The following HHLA2 variants were observed in gnomAD, a reference collection of about 807,000 sequenced individuals.
HHLA2 encodes the protein HERV-H LTR-associating protein 2.
A neutral mutation model predicts 45.9 loss-of-function variants in HHLA2; 48 were observed. That is an observed-to-expected ratio of 1.05 (90% confidence interval 0.83 to 1.33). HHLA2 has a LOEUF of 1.33. Ranked by LOEUF, HHLA2 falls within the 40% of genes most tolerant of loss-of-function variation. The pLI is 0.00. For missense variants in HHLA2, 462 were observed against 494.3 expected (o/e 0.93, Z 0.62); for synonymous variants, 161 against 173.9 (o/e 0.93, Z 0.59).
chr3:108,313,360 A>G (rs1483846140), intron 2 of HHLA2, among the ~76,000 whole-genome samples: 3 of 152,196 alleles, frequency 2.0e-5, no homozygotes, highest in Non-Finnish European at 4.4e-5. Context: ...GATCCCAACC[A>G]TTGGGAACTA....
At chr3:108,355,289 C>A (rs780386722) in exon 6 of HHLA2, 7 of 1,613,634 alleles carry the variant, frequency 4.3e-6, no homozygotes, top group Admixed American at 3.3e-5. Context: ...ATTAACAGCC[C>A]ACTGAATATT....
At chr3:108,337,568 C>T (rs952092596) in intron 3 of HHLA2, among the ~76,000 whole-genome samples, 2 of 152,134 alleles carry the variant, frequency 1.3e-5, no homozygotes, top group African/African-American at 4.8e-5. Context: ...AACTGAGCAG[C>T]TTATATCTTG....
intron 2 of HHLA2, among the ~76,000 whole-genome samples, chr3:108,324,143 T>G (rs1296787142): frequency 2.0e-5 from 3 of 152,200 alleles, no homozygotes; most frequent in African/African-American, 7.2e-5. Flanking sequence ...CAAAGGTTAT[T>G]TTCACAGTAA....
intron 2 of HHLA2, among the ~76,000 whole-genome samples, chr3:108,324,358 C>T (rs2081253579): frequency 6.6e-6 from 1 of 152,112 alleles, no homozygotes. Flanking sequence ...ATTAACTGTA[C>T]ATTTCTGAAG....
intron 8 of HHLA2, among the ~76,000 whole-genome samples, chr3:108,374,331 A>G (rs2082234521): frequency 6.6e-6 from 1 of 152,068 alleles, no homozygotes; most frequent in Admixed American, 6.6e-5. Context: ...AATTAATTCA[A>G]GATGGATTAA....
intron 1 of HHLA2, among the ~76,000 whole-genome samples, chr3:108,299,758 C>G (rs1158764286): frequency 2.6e-5 from 4 of 152,162 alleles, no homozygotes; most frequent in Non-Finnish European, 5.9e-5. Flanking sequence ...AAATTATACT[C>G]TAACTCAACC....
chr3:108,310,593 C>T (rs2081002233), intron 1 of HHLA2, 62 bp from the exon 2 acceptor site: 1 of 152,606 alleles, frequency 6.6e-6, no homozygotes, highest in Non-Finnish European at 1.5e-5. Context: ...CCCACATCCA[C>T]ATTGGCAGTG....
At chr3:108,371,925 A>G (rs1227457821) in intron 8 of HHLA2, among the ~76,000 whole-genome samples, 2 of 152,204 alleles carry the variant, frequency 1.3e-5, no homozygotes, top group Non-Finnish European at 2.9e-5. Flanking sequence ...AATGAGACAG[A>G]AAGTTAACAA....
At position 108,368,535 on chromosome 3, in the gene HHLA2, C is replaced by CAAA. The variant is rs55718572; in HGVS notation, c.1108+6122_1108+6124dup. ...GAATATTTACCAAGCAAACGAAGAGCAAAAAAAAAAAAAAAAAAAAAAAAA... is the reference window on the plus strand; with the variant it reads ...GAATATTTACCAAGCAAACGAAGAGCAAAAAAAAAAAAAAAAAAAAAAAAAAAA... On this transcript the variant is annotated intron_variant, in intron 8 of 10. Coordinates refer to ENST00000619531, the Ensembl canonical transcript of HHLA2. Among the ~76,000 whole-genome samples the CAAA allele has an allele frequency of 6.3e-3, 42 of 6,620 alleles. 12 individuals carry two copies. The highest frequency in any genetic ancestry group is 0.045 in the East Asian group (4 of 88). 4.3% of individuals were successfully genotyped at this position (6,620 alleles called of 152,430 possible). A position where few individuals can be genotyped will look rare whatever the true frequency, so the allele number is the denominator to read the frequency against.
intron 4 of HHLA2, among the ~76,000 whole-genome samples, chr3:108,352,980 T>C (rs781717068): frequency 1.1e-4 from 17 of 152,316 alleles, no homozygotes; most frequent in Admixed American, 2.6e-4. Flanking sequence ...TCTTACCCAG[T>C]CAAGCTGAGT....
rs112444005 is a variant in HHLA2 at position 108,323,044 on chromosome 3, T to TTTTG, written c.-104-5206_-104-5203dup. On this transcript the variant is annotated intron_variant, in intron 2 of 10. Coordinates refer to ENST00000619531, the Ensembl canonical transcript of HHLA2. ...CTAGTTTCCAAATTTTTGCTGACTT[T>TTTTG]TTTGTTTGTTTGTTTGTTTGTTTTG... Among the ~76,000 whole-genome samples, 937 of 151,556 alleles carry TTTTG rather than the reference T, an allele frequency of 6.2e-3. 10 individuals are homozygous for TTTTG. Among genetic ancestry groups the TTTTG allele is most frequent in the African/African-American group, 0.021 (868 of 41,374 alleles).
chr3:108,377,273 G>A (rs1402984385), exon 11 of HHLA2: 2 of 1,574,112 alleles, frequency 1.3e-6, no homozygotes, highest in Non-Finnish European at 1.7e-6. Context: ...TTCAGGAAAA[G>A]TATAGGAAAT....
At chr3:108,346,593 G>A (rs935706637) in intron 3 of HHLA2, among the ~76,000 whole-genome samples, 4 of 152,180 alleles carry the variant, frequency 2.6e-5, no homozygotes, top group African/African-American at 9.7e-5. Flanking sequence ...AAAGAGAATT[G>A]ACCTGTTCTT....
chr3:108,325,843 A>T (rs1429227211), intron 2 of HHLA2: 3 of 366,872 alleles, frequency 8.2e-6, no homozygotes, highest in Non-Finnish European at 1.6e-5. Flanking sequence ...CTCCACGACC[A>T]CCACTCACAT....
intron 9 of HHLA2, 74 bp downstream of exon 8, chr3:108,375,874 C>T: frequency 6.4e-7 from 1 of 1,562,510 alleles, no homozygotes; most frequent in Non-Finnish European, 8.7e-7. Context: ...GGCAAAAACT[C>T]TGTCACAGTA....
At chr3:108,375,871 ACT>A in intron 9 of HHLA2, 71 bp downstream of exon 8, 1 of 1,566,534 alleles carries the variant, frequency 6.4e-7, no homozygotes, top group Non-Finnish European at 8.7e-7. Context: ...ATCGGCAAAA[ACT>A]CTGTCACAGT....
chr3:108,358,898 A>G (rs778838348), intron 7 of HHLA2, among the ~76,000 whole-genome samples: 10 of 152,196 alleles, frequency 6.6e-5, no homozygotes, highest in Non-Finnish European at 1.0e-4. Flanking sequence ...GAGGAATAAC[A>G]TTTGAAGTTT....
At chr3:108,375,847 A>G (rs1308371289) in intron 9 of HHLA2, 47 bp downstream of exon 8, 1 of 1,597,822 alleles carries the variant, frequency 6.3e-7, no homozygotes, top group Non-Finnish European at 8.5e-7. Flanking sequence ...GTTCTGGAGG[A>G]GCAGTCAAAA....
intron 8 of HHLA2, among the ~76,000 whole-genome samples, chr3:108,365,586 C>A (rs751812884): frequency 6.6e-6 from 1 of 152,124 alleles, no homozygotes; most frequent in Admixed American, 6.5e-5. Flanking sequence ...TTACTTTGGG[C>A]AGTATGGCCA....
Sources: gnomAD v4.1 joint callset for allele counts (sites outside exome capture counted in the v4.1 genomes callset) on GRCh38, gnomAD v4.1.1 for gene constraint, MANE v1.5 for transcripts, NCBI Gene and HGNC (gene_info 2026-07-23, HGNC 2026-07-21) for gene names.